The following KAZN variants were observed in gnomAD, a reference collection of about 807,000 sequenced individuals.
KAZN encodes kazrin, periplakin interacting protein, also known as kazrin.
In KAZN, 40 loss-of-function variants were observed where a neutral mutation model predicts 87.4. The observed-to-expected ratio is 0.46, with a 90% confidence interval of 0.36 to 0.60. The LOEUF is 0.60. KAZN is among the 20% of genes least tolerant of loss of function. The probability of loss-of-function intolerance (pLI) is 0.00; values close to 1 mark genes in which losing one functional copy is unlikely to be tolerated. For synonymous variants in KAZN, 466 were observed against 458.3 expected (o/e 1.02, Z -0.22); for missense variants, 898 against 1,073.9 (o/e 0.84, Z 2.29).
intron 2 of KAZN, among the ~76,000 whole-genome samples, chr1:14,475,174 A>T (rs1668653039): frequency 6.6e-6 from 1 of 151,826 alleles, no homozygotes; most frequent in Non-Finnish European, 1.5e-5. Context: ...TAGTGGAAAG[A>T]TAGACAAAGG....
chr1:14,291,873 G>A (rs183067572), intron 2 of KAZN, among the ~76,000 whole-genome samples: 5 of 152,320 alleles, frequency 3.3e-5, no homozygotes, highest in East Asian at 1.9e-4. Flanking sequence ...GTGCTTGGCA[G>A]TTCTCTCTCC....
chr1:14,644,804 A>G (rs930512314), intron 1 of KAZN, among the ~76,000 whole-genome samples: 1 of 152,128 alleles, frequency 6.6e-6, no homozygotes, highest in East Asian at 1.9e-4. Context: ...GAAGCTCTTT[A>G]ATTAAATCCC....
chr1:14,608,579 G>A (rs1016699790), intron 1 of KAZN, among the ~76,000 whole-genome samples: 2 of 152,230 alleles, frequency 1.3e-5, no homozygotes. Flanking sequence ...GGACACTGCA[G>A]AGAACAGCTA....
At chr1:14,324,756 C>T (rs1656287442) in intron 2 of KAZN, among the ~76,000 whole-genome samples, 1 of 152,156 alleles carries the variant, frequency 6.6e-6, no homozygotes, top group African/African-American at 2.4e-5. Flanking sequence ...AAGATTTTTA[C>T]CAGCAAAACC....
At chr1:14,980,260 T>C (rs1276027088) in intron 2 of KAZN, among the ~76,000 whole-genome samples, 1 of 152,202 alleles carries the variant, frequency 6.6e-6, no homozygotes, top group African/African-American at 2.4e-5. Context: ...GCCGTATCAT[T>C]TGTTGTTTAA....
intron 2 of KAZN, among the ~76,000 whole-genome samples, chr1:14,307,249 G>T (rs1654994605): frequency 6.6e-6 from 1 of 152,062 alleles, no homozygotes; most frequent in Admixed American, 6.6e-5. Context: ...ACTCTGCCTT[G>T]GGCATGACTT....
At chr1:14,273,974 C>T (rs1431686241) in intron 2 of KAZN, among the ~76,000 whole-genome samples, 3 of 152,178 alleles carry the variant, frequency 2.0e-5, no homozygotes, top group Non-Finnish European at 2.9e-5. Flanking sequence ...CAAATTCCTA[C>T]TGCTATCTAA....
chr1:14,899,119 C>T (rs1213979415), intron 1 of KAZN, among the ~76,000 whole-genome samples: 1 of 152,174 alleles, frequency 6.6e-6, no homozygotes, highest in Non-Finnish European at 1.5e-5. Flanking sequence ...TAAGAAGGGG[C>T]CCCTGAGCAG....
chr1:14,417,636 T>TA (rs1664909768), intron 2 of KAZN, among the ~76,000 whole-genome samples: 1 of 152,060 alleles, frequency 6.6e-6, no homozygotes, highest in African/African-American at 2.4e-5. Flanking sequence ...AAGGAGACCC[T>TA]AGGAAAGAAC....
chr1:14,646,458 T>C (rs1454396468), intron 1 of KAZN, among the ~76,000 whole-genome samples: 1 of 152,120 alleles, frequency 6.6e-6, no homozygotes, highest in Non-Finnish European at 1.5e-5. Flanking sequence ...AAAAGAAGCA[T>C]GGTGATAGTG....
At chr1:14,581,449 T>A (rs764202731) in intron 2 of KAZN, among the ~76,000 whole-genome samples, 1 of 152,194 alleles carries the variant, frequency 6.6e-6, no homozygotes, top group African/African-American at 2.4e-5. Flanking sequence ...TAAACCACCG[T>A]GGTACCCTGC....
At chr1:14,038,011 C>A (rs1209185243) in intron 1 of KAZN, among the ~76,000 whole-genome samples, 1 of 152,126 alleles carries the variant, frequency 6.6e-6, no homozygotes, top group Non-Finnish European at 1.5e-5. Flanking sequence ...ACTCAACCAC[C>A]CACCTGTCCA....
chr1:14,693,585 C>A (rs1015320224), intron 1 of KAZN, among the ~76,000 whole-genome samples: 11 of 152,180 alleles, frequency 7.2e-5, no homozygotes, highest in African/African-American at 2.2e-4. Flanking sequence ...TTAGATCTTG[C>A]CCATCACCTT....
At chr1:13,954,242 CA>C (rs1396756845) in intron 1 of KAZN, among the ~76,000 whole-genome samples, 4 of 152,030 alleles carry the variant, frequency 2.6e-5, no homozygotes, top group African/African-American at 9.7e-5. Flanking sequence ...ACCAACCAAC[CA>C]AACAAACAAA....
rs544802360 is a variant in KAZN, at chr1:14,644,603, C to T, written c.226+45380C>T. ...GTCTTGATCTCCTGAGCTCGTGATC[C>T]GCCTGCCTTGGCCTCCCAAAGTGCT... On this transcript the variant is annotated intron_variant, in intron 1 of 14. Coordinates refer to ENST00000376030, the MANE Select transcript of KAZN (RefSeq NM_201628.3). 2.5e-3 allele frequency among the ~76,000 whole-genome samples: 377 copies of T among 152,232 alleles called. 1 individual carries two copies. The highest frequency in any genetic ancestry group is 8.6e-3 in the African/African-American group (359 of 41,530).
intron 2 of KAZN, among the ~76,000 whole-genome samples, chr1:14,991,052 T>C (rs10927619): frequency 0.38 from 57,344 of 151,314 alleles, 12,368 homozygotes; most frequent in African/African-American, 0.59. Flanking sequence ...TTCTGCAGCC[T>C]CAGAAAGAAC....
chr1:15,090,225 G>T (rs541158719), intron 8 of KAZN, among the ~76,000 whole-genome samples: 1 of 152,204 alleles, frequency 6.6e-6, no homozygotes, highest in Admixed American at 6.5e-5. Context: ...GACAGGGGCC[G>T]TGTCTTGGAA....
chr1:14,757,374 A>T (rs1484688554), intron 1 of KAZN, among the ~76,000 whole-genome samples: 2 of 152,214 alleles, frequency 1.3e-5, no homozygotes, highest in African/African-American at 4.8e-5. Context: ...GGAAGGAAAG[A>T]TTGGAATGTA....
chr1:14,166,244 G>A (rs1645824254), intron 1 of KAZN, among the ~76,000 whole-genome samples: 2 of 152,202 alleles, frequency 1.3e-5, no homozygotes, highest in Admixed American at 6.5e-5. Flanking sequence ...GAACCTGGGC[G>A]GCAGAGGCTG....
Sources: allele counts gnomAD v4.1 joint callset (sites outside exome capture counted in the v4.1 genomes callset), GRCh38; gene constraint gnomAD v4.1.1; transcripts MANE v1.5; gene names NCBI Gene and HGNC (gene_info 2026-07-23, HGNC 2026-07-21).